Variants in CCDC171 observed in about 807,000 individuals in gnomAD.
The protein encoded by CCDC171 is coiled-coil domain-containing protein 171.
In CCDC171, 177 loss-of-function variants were observed where a neutral mutation model predicts 168.2. The ratio of observed to expected loss-of-function variants is 1.05; its 90% CI spans 0.93 to 1.19. The LOEUF is 1.19. Among genes scored for constraint, CCDC171 ranks in the 50% most tolerant of loss-of-function variants. The pLI is 0.00. For synonymous variants in CCDC171, 687 were observed against 540.8 expected (o/e 1.27, Z -3.75); for missense variants, 1,991 against 1,539.0 (o/e 1.29, Z -4.91).
chr9:15,746,454 C>T (rs539898806), intron 18 of CCDC171, among the ~76,000 whole-genome samples: 146 of 152,190 alleles, frequency 9.6e-4, no homozygotes, highest in Non-Finnish European at 1.7e-3. Context: ...GTAAGCAATG[C>T]GCATATTTAA....
At chr9:15,724,280 A>T (rs2134234596) in intron 13 of CCDC171, among the ~76,000 whole-genome samples, 1 of 152,216 alleles carries the variant, frequency 6.6e-6, no homozygotes, top group African/African-American at 2.4e-5. Context: ...GAATTTCATT[A>T]TGTTGTTTCA....
At chr9:15,619,380 A>G (rs7041634) in intron 6 of CCDC171, among the ~76,000 whole-genome samples, 88 of 152,346 alleles carry the variant, frequency 5.8e-4, no homozygotes, top group African/African-American at 1.6e-3. Context: ...TAGTGAACAC[A>G]TAAGTGATAA....
At chr9:15,624,939 A>G (rs1049752163) in intron 7 of CCDC171, among the ~76,000 whole-genome samples, 3 of 152,154 alleles carry the variant, frequency 2.0e-5, no homozygotes, top group Non-Finnish European at 2.9e-5. Context: ...AAAGTGTCAA[A>G]AAGTGTTCCT....
intron 21 of CCDC171, among the ~76,000 whole-genome samples, chr9:15,804,473 G>A (rs1324941370): frequency 7.7e-6 from 1 of 129,442 alleles, no homozygotes; most frequent in East Asian, 2.2e-4. Context: ...TTTTTTTTTT[G>A]CATCTATTGA....
intron 1 of CCDC171, among the ~76,000 whole-genome samples, chr9:15,554,165 G>T (rs1010114127): frequency 2.6e-5 from 4 of 152,056 alleles, no homozygotes; most frequent in Admixed American, 6.5e-5. Context: ...GACAACCGGC[G>T]CACGCCGCCA....
At chr9:15,891,470 G>T (rs1326633569) in intron 24 of CCDC171, among the ~76,000 whole-genome samples, 1 of 152,190 alleles carries the variant, frequency 6.6e-6, no homozygotes, top group African/African-American at 2.4e-5. Flanking sequence ...GATCAAAGCA[G>T]TTGGATCTTT....
intron 12 of CCDC171, among the ~76,000 whole-genome samples, chr9:15,722,874 A>G (rs936656489): frequency 2.0e-5 from 3 of 152,214 alleles, no homozygotes; most frequent in Non-Finnish European, 4.4e-5. Flanking sequence ...CAGTGAGACA[A>G]GACAACCTGT....
chr9:15,825,212 T>A (rs2059962161), intron 21 of CCDC171, among the ~76,000 whole-genome samples: 1 of 152,112 alleles, frequency 6.6e-6, no homozygotes, highest in South Asian at 2.1e-4. Context: ...ATTGCTATAG[T>A]CTCCTGCATT....
chr9:15,557,209 G>T lies in CCDC171; in HGVS notation c.-112+3907G>T, dbSNP rs545437921. 5.9e-4 allele frequency among the ~76,000 whole-genome samples: 90 copies of T among 152,234 alleles called. 1 individual carries two copies. The highest frequency in any genetic ancestry group is 3.3e-3 in the South Asian group (16 of 4,828). On this transcript the variant is annotated intron_variant, in intron 1 of 25. Coordinates refer to ENST00000380701, the MANE Select transcript of CCDC171 (RefSeq NM_173550.4). ...AGCTTTGTTCTTTTTGCTTAGGATT[G>T]TCTTGGCAATGTGGGCTCTTTTTTG...
At chr9:15,812,334 CAG>C (rs963495545) in intron 21 of CCDC171, among the ~76,000 whole-genome samples, 8 of 152,126 alleles carry the variant, frequency 5.3e-5, no homozygotes, top group African/African-American at 9.7e-5. Flanking sequence ...TATATAGAAA[CAG>C]GGAAACTGGT....
chr9:15,764,099 A>C (rs2056595977), intron 18 of CCDC171, among the ~76,000 whole-genome samples: 1 of 152,196 alleles, frequency 6.6e-6, no homozygotes, highest in Non-Finnish European at 1.5e-5. Flanking sequence ...AGGAATGGCA[A>C]GGAGGCCCAA....
intron 16 of CCDC171, among the ~76,000 whole-genome samples, chr9:15,740,305 T>C (rs1040817368): frequency 6.6e-6 from 1 of 152,184 alleles, no homozygotes; most frequent in Admixed American, 6.5e-5. Flanking sequence ...GTCTTTTTGC[T>C]ACTGCTTTGA....
intron 23 of CCDC171, among the ~76,000 whole-genome samples, chr9:15,850,900 A>T (rs1212081667): frequency 1.3e-5 from 2 of 151,982 alleles, no homozygotes; most frequent in Non-Finnish European, 2.9e-5. Context: ...AAACTCTTTA[A>T]CGAAGTTTAC....
At chr9:15,574,887 G>A (rs1288406239) in intron 3 of CCDC171, among the ~76,000 whole-genome samples, 1 of 152,168 alleles carries the variant, frequency 6.6e-6, no homozygotes, top group Non-Finnish European at 1.5e-5. Flanking sequence ...CTGTTGAAAG[G>A]ATTTATTAGT....
intron 7 of CCDC171, among the ~76,000 whole-genome samples, chr9:15,652,057 C>T (rs891372535): frequency 6.6e-6 from 1 of 152,088 alleles, no homozygotes; most frequent in African/African-American, 2.4e-5. Flanking sequence ...CATAAGTGTG[C>T]CTCACCACAC....
chr9:15,568,331 C>T (rs1039810170), intron 2 of CCDC171, among the ~76,000 whole-genome samples: 26 of 142,310 alleles, frequency 1.8e-4, no homozygotes, highest in Non-Finnish European at 3.1e-4. Flanking sequence ...AGTGCAGTGG[C>T]GCGATCTTGG....
At chr9:16,062,273 C>G (rs773629860), downstream of CCDC171, among the ~76,000 whole-genome samples, 39 of 152,058 alleles carry the variant, frequency 2.6e-4, no homozygotes, top group Non-Finnish European at 4.3e-4. Flanking sequence ...AGCTGGAAAC[C>G]ATTATTCTAA....
chr9:15,972,871 T>C lies in CCDC171; in HGVS notation c.*1035T>C, dbSNP rs1831479685. The C allele has an allele frequency of 6.6e-6, 1 of 152,116 alleles. No individual in the cohort carries two copies. Among genetic ancestry groups the C allele is most frequent in the South Asian group, 2.1e-4 (1 of 4,826 alleles). 9.4% of individuals were successfully genotyped at this position (152,116 alleles called of 1,614,324 possible). On this transcript the variant is annotated 3_prime_UTR_variant, in exon 26 of 26. Transcript: ENST00000380701. ...TGACATTTCAGCTAGAAAGAGCAAG[T>C]GTCTTGCAACCAAGTGGTCAAATAT...
intron 17 of CCDC171, 71 bp from the exon 18 acceptor site, chr9:15,745,444 G>A: frequency 1.1e-6 from 1 of 922,864 alleles, no homozygotes; most frequent in Non-Finnish European, 1.6e-6. Flanking sequence ...GCTGAACACT[G>A]CTACGAATTT....
Sources: allele counts gnomAD v4.1 joint callset (sites outside exome capture counted in the v4.1 genomes callset), GRCh38; gene constraint gnomAD v4.1.1; transcripts MANE v1.5; gene names NCBI Gene and HGNC (gene_info 2026-07-23, HGNC 2026-07-21).